ADAMTSL1: variants seen among roughly 807,000 people sequenced by gnomAD.
ADAMTSL1 encodes the protein ADAMTS like 1.
A neutral mutation model predicts 201.8 loss-of-function variants in ADAMTSL1; 126 were observed. That is an observed-to-expected ratio of 0.62 (90% CI 0.54 to 0.72). The LOEUF is 0.72. Among genes scored for constraint, ADAMTSL1 ranks in the 30% least tolerant of loss-of-function variants. The pLI is 0.00. For missense variants in ADAMTSL1, 2,679 were observed against 2,277.8 expected, an observed-to-expected ratio of 1.18 and a Z score of -3.59; for synonymous variants, 1,121 against 903.4, an observed-to-expected ratio of 1.24 and a Z score of -4.32.
chr9:18,401,761 A>G (rs1467685508), intron 2 of ADAMTSL1, among the ~76,000 whole-genome samples: 2 of 152,166 alleles, frequency 1.3e-5, no homozygotes, highest in African/African-American at 4.8e-5. Context: ...ATGGTTATAA[A>G]TGCACCACTT....
At chr9:18,010,457 A>T (rs1820006230) in intron 1 of ADAMTSL1, among the ~76,000 whole-genome samples, 1 of 152,054 alleles carries the variant, frequency 6.6e-6, no homozygotes, top group Non-Finnish European at 1.5e-5. Context: ...AAATAGTCTA[A>T]TTCTGTAAAA....
chr9:18,533,408 A>G (rs1347994098), intron 3 of ADAMTSL1, 116 bp downstream of exon 3: 1 of 747,940 alleles, frequency 1.3e-6, no homozygotes, highest in Non-Finnish European at 2.2e-6. Context: ...GAGAGTTTTT[A>G]TCTCATACTG....
intron 1 of ADAMTSL1, among the ~76,000 whole-genome samples, chr9:18,129,747 C>G (rs1564016455): frequency 6.6e-6 from 1 of 152,076 alleles, no homozygotes; most frequent in Non-Finnish European, 1.5e-5. Flanking sequence ...CTTTTCAACC[C>G]TGAGATTCTG....
At chr9:18,654,406 A>G (rs990093484) in intron 7 of ADAMTSL1, among the ~76,000 whole-genome samples, 4 of 152,240 alleles carry the variant, frequency 2.6e-5, no homozygotes, top group African/African-American at 7.2e-5. Context: ...AGAAATTTCA[A>G]AAGTACCTGA....
intron 2 of ADAMTSL1, among the ~76,000 whole-genome samples, chr9:18,461,456 C>T (rs1418786224): frequency 6.6e-6 from 1 of 152,014 alleles, no homozygotes; most frequent in African/African-American, 2.4e-5. Flanking sequence ...TTAACATATG[C>T]ATTACCTCAC....
intron 2 of ADAMTSL1, among the ~76,000 whole-genome samples, chr9:18,287,760 T>C (rs1833075392): frequency 6.9e-6 from 1 of 144,918 alleles, no homozygotes; most frequent in South Asian, 2.2e-4. Context: ...GGGAGATATA[T>C]TGGGGTGCAT....
At chr9:18,326,489 A>G (rs1344178336) in intron 2 of ADAMTSL1, among the ~76,000 whole-genome samples, 1 of 151,860 alleles carries the variant, frequency 6.6e-6, no homozygotes, top group Non-Finnish European at 1.5e-5. Flanking sequence ...GTTGCTATAC[A>G]TTTTTTAAAA....
rs114434845 is a variant in ADAMTSL1 at position 18,905,838 on chromosome 9, C to T, written c.4908C>T (p.Cys1636=). ...CTGTGCAACACAGACAAGTCTTCTG[C>T]CAGACACGGGATGGCATCACCTTAC... is the stretch of plus-strand genomic sequence containing the variant. ...HLAVQHRQVF[C]QTRDGITLPS... Residue 1636 remains cysteine (C), a synonymous_variant, in exon 27 of 29, where the codon TGC becomes TGT. Transcript: ENST00000380548. 1,088 of 1,613,628 alleles carry T rather than the reference C, an allele frequency of 6.7e-4. 9 individuals are homozygous for T. In the African/African-American group the frequency reaches 0.013, roughly 19 times the overall value.
intron 2 of ADAMTSL1, among the ~76,000 whole-genome samples, chr9:18,457,951 G>A (rs1820670015): frequency 6.6e-6 from 1 of 152,198 alleles, no homozygotes; most frequent in Non-Finnish European, 1.5e-5. Flanking sequence ...CTGAATAGGG[G>A]TTATACCTGT....
At chr9:18,366,881 T>C (rs1482481235) in intron 2 of ADAMTSL1, among the ~76,000 whole-genome samples, 1 of 151,942 alleles carries the variant, frequency 6.6e-6, no homozygotes, top group Non-Finnish European at 1.5e-5. Context: ...GTGCTGGGAG[T>C]ACTGGCATGA....
chr9:18,474,041 CGA>C, upstream of ADAMTSL1: 1 of 541,400 alleles, frequency 1.8e-6, no homozygotes, highest in South Asian at 2.7e-5. Flanking sequence ...CTGCCTGCTC[CGA>C]GAGAGATTCC....
At chr9:18,181,712 T>G (rs993717415) in intron 2 of ADAMTSL1, among the ~76,000 whole-genome samples, 9 of 151,924 alleles carry the variant, frequency 5.9e-5, no homozygotes, top group African/African-American at 1.4e-4. Flanking sequence ...GTTCAACCCT[T>G]GTGGAAGTCA....
intron 2 of ADAMTSL1, among the ~76,000 whole-genome samples, chr9:18,271,159 T>C (rs1427453560): frequency 6.6e-6 from 1 of 152,170 alleles, no homozygotes; most frequent in Non-Finnish European, 1.5e-5. Flanking sequence ...GTCACAAAGG[T>C]ATTATGAAAT....
chr9:18,059,824 C>CT (rs1165255558), intron 1 of ADAMTSL1, among the ~76,000 whole-genome samples: 3 of 151,586 alleles, frequency 2.0e-5, no homozygotes, highest in East Asian at 1.9e-4. Context: ...ATGAATTTGG[C>CT]TTTTTTTTAA....
intron 14 of ADAMTSL1, among the ~76,000 whole-genome samples, chr9:18,707,769 C>T (rs145407196): frequency 3.9e-5 from 6 of 152,306 alleles, no homozygotes; most frequent in African/African-American, 7.2e-5. Flanking sequence ...AGTTAACTCA[C>T]GTTAAATGTT....
At chr9:18,597,075 T>C (rs1824311844) in intron 4 of ADAMTSL1, among the ~76,000 whole-genome samples, 1 of 152,244 alleles carries the variant, frequency 6.6e-6, no homozygotes, top group African/African-American at 2.4e-5. Context: ...TTAGTTTCTT[T>C]ATATTATGTT....
intron 7 of ADAMTSL1, among the ~76,000 whole-genome samples, chr9:18,649,541 G>T (rs1398655843): frequency 2.6e-5 from 4 of 152,100 alleles, no homozygotes; most frequent in Non-Finnish European, 5.9e-5. Context: ...GGTCTTTGAT[G>T]ATGGTGATGT....
chr9:18,227,078 T>C (rs1830456000), intron 2 of ADAMTSL1, among the ~76,000 whole-genome samples: 1 of 152,150 alleles, frequency 6.6e-6, no homozygotes, highest in South Asian at 2.1e-4. Flanking sequence ...TTATTCTTTT[T>C]ACCTGGAAGG....
At chr9:18,875,625 T>C (rs905055939) in intron 23 of ADAMTSL1, among the ~76,000 whole-genome samples, 4 of 152,166 alleles carry the variant, frequency 2.6e-5, no homozygotes, top group Non-Finnish European at 5.9e-5. Context: ...CTTGATATAA[T>C]TTTGATTTTC....
Sources: allele counts gnomAD v4.1 joint callset (sites outside exome capture counted in the v4.1 genomes callset), GRCh38; gene constraint gnomAD v4.1.1; transcripts MANE v1.5; gene names NCBI Gene and HGNC (gene_info 2026-07-23, HGNC 2026-07-21).